EIF4E3: variants seen among roughly 807,000 people sequenced by gnomAD.
EIF4E3 encodes the protein eukaryotic translation initiation factor 4E family member 3, also known as eukaryotic translation initiation factor 4E type 3.
A neutral mutation model predicts 31.7 loss-of-function variants in EIF4E3; 26 were observed. The observed-to-expected ratio is 0.82, with a 90% CI of 0.60 to 1.14. The LOEUF is 1.14. Among genes scored for constraint, EIF4E3 ranks in the 50% most tolerant of loss-of-function variants. The pLI, the probability that EIF4E3 is intolerant of heterozygous loss-of-function variation, is 0.00. For synonymous variants in EIF4E3, 128 were observed against 107.7 expected (o/e 1.19, Z -1.17); for missense variants, 304 against 270.9 (o/e 1.12, Z -0.86).
intron 2 of EIF4E3, among the ~76,000 whole-genome samples, chr3:71,708,464 TA>T (rs1216714227): frequency 6.6e-6 from 1 of 152,180 alleles, no homozygotes; most frequent in Non-Finnish European, 1.5e-5. Flanking sequence ...TATATCCCAA[TA>T]AAGTAGTTTT....
At chr3:71,736,978 A>G (rs572840198) in intron 1 of EIF4E3, among the ~76,000 whole-genome samples, 1 of 152,336 alleles carries the variant, frequency 6.6e-6, no homozygotes, top group South Asian at 2.1e-4. Flanking sequence ...TAAAAAAAGA[A>G]AGTCTATTAA....
At chr3:71,673,283 A>C (rs1448394856), downstream of EIF4E3, among the ~76,000 whole-genome samples, 2 of 152,238 alleles carry the variant, frequency 1.3e-5, no homozygotes, top group Non-Finnish European at 2.9e-5. Flanking sequence ...CCACAGTATA[A>C]GGATCCCCAT....
intron 1 of EIF4E3, among the ~76,000 whole-genome samples, chr3:71,749,245 G>A (rs2049902872): frequency 6.6e-6 from 1 of 152,206 alleles, no homozygotes; most frequent in Non-Finnish European, 1.5e-5. Flanking sequence ...TTACAGTTAG[G>A]TACAATCTGG....
chr3:71,719,642 A>G (rs550014395), intron 1 of EIF4E3, among the ~76,000 whole-genome samples: 1 of 152,140 alleles, frequency 6.6e-6, no homozygotes, highest in Non-Finnish European at 1.5e-5. Flanking sequence ...CTATCCAAGG[A>G]AAGGGCCAGT....
upstream of EIF4E3, chr3:71,728,605 G>C (rs1000025866): frequency 6.5e-6 from 1 of 152,898 alleles, no homozygotes; most frequent in Non-Finnish European, 1.5e-5. Flanking sequence ...GAGAGGAAGA[G>C]AAGGTGACCC....
chr3:71,726,749 G>A (rs920508225), upstream of EIF4E3, among the ~76,000 whole-genome samples: 1 of 152,168 alleles, frequency 6.6e-6, no homozygotes, highest in Non-Finnish European at 1.5e-5. Flanking sequence ...ATAAAAACAA[G>A]ACCGCTGCTT....
chr3:71,730,752 A>T (rs572721912), intron 1 of EIF4E3, among the ~76,000 whole-genome samples: 132 of 151,642 alleles, frequency 8.7e-4, no homozygotes, highest in Middle Eastern at 6.8e-3. Context: ...TTTTTTTGAG[A>T]CAGAGTCTTG....
At chr3:71,735,810 C>T (rs2049756881) in intron 1 of EIF4E3, among the ~76,000 whole-genome samples, 2 of 151,406 alleles carry the variant, frequency 1.3e-5, no homozygotes, top group Non-Finnish European at 1.5e-5. Context: ...CACCTCCCTC[C>T]AAAAAATGAG....
Position 71,681,741 on chromosome 3 carries a change from T to C in EIF4E3, c.*2941A>G, listed in dbSNP as rs1298922533. Reference sequence around the variant, plus strand: ...GCCAAGGCTCAGTTGGTGGATTGTATATTATGTCTATAGGACCCAATTATA... The same window carrying C: ...GCCAAGGCTCAGTTGGTGGATTGTACATTATGTCTATAGGACCCAATTATA... On this transcript the variant is annotated 3_prime_UTR_variant, in exon 7 of 7. Transcript: ENST00000425534. 1 of 152,224 alleles carries C rather than the reference T, an allele frequency of 6.6e-6. No individual in the cohort carries two copies. The highest frequency in any genetic ancestry group is 1.5e-5 in the Non-Finnish European group (1 of 68,046). The allele number at this position is 152,224 out of a possible 1,614,324, so 9.4% of individuals were successfully genotyped here. A position where few individuals can be genotyped will look rare whatever the true frequency, so the allele number is the denominator to read the frequency against.
At chr3:71,722,241 T>C (rs1395732968) in intron 1 of EIF4E3, among the ~76,000 whole-genome samples, 1 of 152,158 alleles carries the variant, frequency 6.6e-6, no homozygotes, top group East Asian at 1.9e-4. Flanking sequence ...GGTAGTTCAG[T>C]ATATGTTGAG....
At chr3:71,729,641 G>C (rs533153647), upstream of EIF4E3, among the ~76,000 whole-genome samples, 1 of 152,286 alleles carries the variant, frequency 6.6e-6, no homozygotes, top group Non-Finnish European at 1.5e-5. Flanking sequence ...CTGGTATATA[G>C]TAAAGATACA....
chr3:71,754,006 AG>A, upstream of EIF4E3: 1 of 1,083,144 alleles, frequency 9.2e-7, no homozygotes, highest in East Asian at 5.6e-5. This position sits in a 1 kb window ranked among gnomAD's most constrained non-coding sequence, Gnocchi z 5.8. Flanking sequence ...GCGGCGAGGC[AG>A]GGGACGGCCC....
chr3:71,712,947 C>T (rs1225967741), intron 1 of EIF4E3, among the ~76,000 whole-genome samples: 1 of 151,506 alleles, frequency 6.6e-6, no homozygotes, highest in Admixed American at 6.6e-5. Context: ...ACTTGTATTC[C>T]AGTGCAGGAG....
chr3:71,734,867 G>A (rs2049745027), intron 1 of EIF4E3, among the ~76,000 whole-genome samples: 1 of 152,084 alleles, frequency 6.6e-6, no homozygotes, highest in South Asian at 2.1e-4. Context: ...ATTAGTATTT[G>A]GCCTATGAGT....
Position 71,676,348 on chromosome 3 carries a change from T to C in EIF4E3, c.*8334A>G, listed in dbSNP as rs2107987852. The C allele has an allele frequency of 6.6e-6, 1 of 152,294 alleles. No homozygotes were observed. Among genetic ancestry groups the C allele is most frequent in the South Asian group, 2.1e-4 (1 of 4,830 alleles). 9.4% of individuals were successfully genotyped at this position (152,294 alleles called of 1,614,324 possible). ...AGAGGGCGGGGACACAAGAAAGGGC[T>C]CCTGGGGTGACCGGCAAAGTTCTAT... On this transcript the variant is annotated 3_prime_UTR_variant, in exon 7 of 7. Transcript: ENST00000425534.
At chr3:71,743,995 T>C (rs918963799) in intron 1 of EIF4E3, among the ~76,000 whole-genome samples, 3 of 152,162 alleles carry the variant, frequency 2.0e-5, no homozygotes, top group African/African-American at 7.2e-5. Flanking sequence ...ATAAAACTTC[T>C]AGAAGAAAAC....
At chr3:71,740,724 C>T (rs779656201) in intron 1 of EIF4E3, among the ~76,000 whole-genome samples, 2 of 152,150 alleles carry the variant, frequency 1.3e-5, no homozygotes, top group African/African-American at 4.8e-5. Context: ...TAGAGCAAGA[C>T]CCTGTCTCGA....
chr3:71,722,307 T>G (rs1578373338), intron 1 of EIF4E3, among the ~76,000 whole-genome samples: 1 of 152,178 alleles, frequency 6.6e-6, no homozygotes, highest in East Asian at 1.9e-4. Flanking sequence ...GAGCACTGGA[T>G]CTAAGAGTGT....
intron 1 of EIF4E3, among the ~76,000 whole-genome samples, chr3:71,733,927 T>C (rs1413233774): frequency 2.0e-5 from 3 of 152,240 alleles, no homozygotes; most frequent in Admixed American, 1.3e-4. Context: ...CTAACTACTG[T>C]GCAAAATGCA....
Sources: gnomAD v4.1 joint callset for allele counts (sites outside exome capture counted in the v4.1 genomes callset) on GRCh38, gnomAD v4.1.1 for gene constraint, Gnocchi (gnomAD v3.1) non-coding constraint, MANE v1.5 for transcripts, NCBI Gene and HGNC (gene_info 2026-07-23, HGNC 2026-07-21) for gene names.